ATP8A2: variants seen among roughly 807,000 people sequenced by gnomAD.
The protein encoded by ATP8A2 is ATPase phospholipid transporting 8A2.
In ATP8A2, 100 loss-of-function variants were observed where a neutral mutation model predicts 165.6. That is an observed-to-expected ratio of 0.60 (90% CI 0.51 to 0.71). The LOEUF is 0.71. Ranked by LOEUF, ATP8A2 falls within the 30% of genes least tolerant of loss-of-function variation. The probability of loss-of-function intolerance (pLI) is 0.00; values close to 1 mark genes in which losing one functional copy is unlikely to be tolerated. For synonymous variants in ATP8A2, 543 were observed against 548.8 expected, an observed-to-expected ratio of 0.99 and a Z score of 0.15; for missense variants, 1,227 against 1,479.5, an observed-to-expected ratio of 0.83 and a Z score of 2.80.
intron 2 of ATP8A2, among the ~76,000 whole-genome samples, chr13:25,502,764 G>A (rs932499769): frequency 2.0e-5 from 3 of 152,160 alleles, no homozygotes; most frequent in Admixed American, 6.5e-5. Context: ...TATGGCTGTT[G>A]TACTTGGCAC....
At chr13:25,973,711 C>T (rs1471391662) in intron 35 of ATP8A2, among the ~76,000 whole-genome samples, 5 of 152,334 alleles carry the variant, frequency 3.3e-5, no homozygotes, top group African/African-American at 1.2e-4. Context: ...AGTATCATCA[C>T]ACCTCTAAGT....
intron 25 of ATP8A2, among the ~76,000 whole-genome samples, chr13:25,726,389 G>A (rs1481121804): frequency 1.3e-5 from 2 of 152,200 alleles, no homozygotes. Context: ...TACCACAAAG[G>A]TAGTGGCTTA....
At chr13:25,994,854 A>G (rs1466458725) in intron 35 of ATP8A2, among the ~76,000 whole-genome samples, 1 of 152,006 alleles carries the variant, frequency 6.6e-6, no homozygotes, top group African/African-American at 2.4e-5. Context: ...ATGTCTTTGT[A>G]TGGACTGGTA....
rs1194218281 is a variant in ATP8A2 at position 25,819,155 on chromosome 13, C to CA, written c.2680-8953dup. On this transcript the variant is annotated intron_variant, in intron 27 of 36. Coordinates refer to ENST00000381655, the MANE Select transcript of ATP8A2 (RefSeq NM_016529.6). ...TACAGCATTTTTGTTGTGGTTTTTA[C>CA]AAAAAAAAAATGGATTCTGTGCATT... is the stretch of plus-strand genomic sequence containing the variant. Among the ~76,000 whole-genome samples the CA allele has an allele frequency of 8.7e-3, 1,279 of 147,506 alleles. 25 individuals carry two copies. The highest frequency in any genetic ancestry group is 0.028 in the African/African-American group (1,142 of 40,424).
At chr13:25,580,537 T>A (rs1002612122) in intron 22 of ATP8A2, among the ~76,000 whole-genome samples, 7 of 152,088 alleles carry the variant, frequency 4.6e-5, no homozygotes, top group Admixed American at 1.3e-4. Flanking sequence ...CTTTTTTTTT[T>A]AAATATAGAG....
At chr13:25,506,158 G>A (rs923629349) in intron 2 of ATP8A2, among the ~76,000 whole-genome samples, 2 of 152,170 alleles carry the variant, frequency 1.3e-5, no homozygotes, top group Admixed American at 1.3e-4. Flanking sequence ...AGATAATACC[G>A]AATGATGAGA....
At chr13:25,964,447 A>G (rs17082912) in intron 34 of ATP8A2, among the ~76,000 whole-genome samples, 21,083 of 152,152 alleles carry the variant, frequency 0.14, 1,560 homozygotes, top group Non-Finnish European at 0.15. Flanking sequence ...AGGCAAGTAA[A>G]TTCGGAGGCT....
At chr13:25,601,221 C>T (rs1025187922) in intron 24 of ATP8A2, among the ~76,000 whole-genome samples, 3 of 152,080 alleles carry the variant, frequency 2.0e-5, no homozygotes, top group African/African-American at 4.8e-5. Flanking sequence ...CATAGTAAGT[C>T]GTAGTTAACT....
At position 25,893,574 on chromosome 13, in the gene ATP8A2, G is replaced by T. The variant is rs1257971949; in HGVS notation, c.3183+31166G>T. Among the ~76,000 whole-genome samples the T allele has an allele frequency of 9.2e-5, 14 of 152,046 alleles. No individual in the cohort carries two copies. In the East Asian group the frequency reaches 2.7e-3, roughly 29 times the overall value. On this transcript the variant is annotated intron_variant, in intron 33 of 36. Transcript: ENST00000381655. ...CCTTTGGGTATATACCCAGTAATGG[G>T]ATGGCTGGGTCAAATGGTATTTCTA...
intron 25 of ATP8A2, among the ~76,000 whole-genome samples, chr13:25,718,477 C>G (rs2043303506): frequency 6.6e-6 from 1 of 152,126 alleles, no homozygotes; most frequent in Non-Finnish European, 1.5e-5. Context: ...TGAGTGCTCA[C>G]TGGCATACTG....
At chr13:25,838,668 G>A (rs1951683212) in intron 29 of ATP8A2, among the ~76,000 whole-genome samples, 1 of 151,230 alleles carries the variant, frequency 6.6e-6, no homozygotes, top group Non-Finnish European at 1.5e-5. Context: ...ATTTTCTGTT[G>A]TCTTACCACT....
intron 33 of ATP8A2, among the ~76,000 whole-genome samples, chr13:25,943,555 T>C (rs1310326236): frequency 6.6e-6 from 1 of 152,178 alleles, no homozygotes; most frequent in Non-Finnish European, 1.5e-5. Context: ...CCATCTAGGT[T>C]TGTGTCAGTA....
intron 2 of ATP8A2, among the ~76,000 whole-genome samples, chr13:25,485,817 G>A (rs952417216): frequency 1.7e-4 from 26 of 152,200 alleles, no homozygotes; most frequent in Non-Finnish European, 1.5e-5. Flanking sequence ...TTATAGAGAT[G>A]ACTCTTCAGG....
chr13:25,611,495 C>T (rs931580662), intron 24 of ATP8A2, among the ~76,000 whole-genome samples: 1 of 151,998 alleles, frequency 6.6e-6, no homozygotes, highest in Admixed American at 6.6e-5. Flanking sequence ...GGTATGAAAC[C>T]CACTTGATCA....
At chr13:25,725,561 G>A (rs2043475064) in intron 25 of ATP8A2, among the ~76,000 whole-genome samples, 1 of 152,190 alleles carries the variant, frequency 6.6e-6, no homozygotes, top group South Asian at 2.1e-4. Flanking sequence ...TGGAGCGCTG[G>A]TCACTGCATG....
chr13:25,976,082 T>A (rs1361561824), intron 35 of ATP8A2, among the ~76,000 whole-genome samples: 2 of 152,074 alleles, frequency 1.3e-5, no homozygotes, highest in Non-Finnish European at 2.9e-5. Context: ...AACTTTCTCT[T>A]GTTTTTTTGT....
At chr13:25,853,687 G>C (rs1000802519) in intron 30 of ATP8A2, among the ~76,000 whole-genome samples, 2 of 152,116 alleles carry the variant, frequency 1.3e-5, no homozygotes, top group African/African-American at 4.8e-5. Context: ...GCTAATGTAG[G>C]TGGGACTTCA....
chr13:25,992,060 A>G (rs1332624189), intron 35 of ATP8A2, among the ~76,000 whole-genome samples: 1 of 151,978 alleles, frequency 6.6e-6, no homozygotes, highest in East Asian at 1.9e-4. Flanking sequence ...TAAAGTGTAT[A>G]ATTCAGTGGT....
chr13:25,468,934 ACTT>A (rs1383623730), intron 1 of ATP8A2, 40 bp from the exon 2 acceptor site: 4 of 1,586,212 alleles, frequency 2.5e-6, no homozygotes, highest in Non-Finnish European at 3.4e-6. Flanking sequence ...CTGGCGGTTG[ACTT>A]CTTTGTGTCG....
Sources: allele counts gnomAD v4.1 joint callset (sites outside exome capture counted in the v4.1 genomes callset), GRCh38; gene constraint gnomAD v4.1.1; transcripts MANE v1.5; gene names NCBI Gene and HGNC (gene_info 2026-07-23, HGNC 2026-07-21).